The following CD63 variants were observed in gnomAD, a reference collection of about 807,000 sequenced individuals.
CD63 encodes the protein CD63 antigen.
CD63 carries 16 observed loss-of-function variants against 29.2 expected under a neutral mutation model. That is an observed-to-expected ratio of 0.55 (90% confidence interval 0.37 to 0.83). The LOEUF (loss-of-function observed/expected upper bound fraction) is 0.83, where lower values mean the gene tolerates loss of function less well. CD63 is among the 40% of genes least tolerant of loss of function. The pLI is 0.00. For synonymous variants in CD63, 118 were observed against 111.7 expected, an observed-to-expected ratio of 1.06 and a Z score of -0.36; for missense variants, 251 against 297.3, an observed-to-expected ratio of 0.84 and a Z score of 1.15.
intron 2 of CD63, chr12:55,727,665 G>C (rs3138132): frequency 0.099 from 108,171 of 1,096,230 alleles, 9,032 homozygotes; most frequent in African/African-American, 0.4. Flanking sequence ...TTCTCTCCCA[G>C]AACTGCCCCC....
Position 55,728,990 on chromosome 12 carries a change from C to G in CD63, c.-49G>C. On this transcript the variant is annotated 5_prime_UTR_variant, in exon 1 of 8. Coordinates refer to ENST00000257857, the MANE Select transcript of CD63 (RefSeq NM_001780.6). The surrounding 1 kb of genome is among the most constrained non-coding windows in gnomAD (Gnocchi z 4.8). ...AGGCTGGCTGCGCGTTCCTCTCCCGCCGCGGCTCCGGGGCTCTCTAGCTGC... is the reference window on the plus strand; with the variant it reads ...AGGCTGGCTGCGCGTTCCTCTCCCGGCGCGGCTCCGGGGCTCTCTAGCTGC... 2.0e-6 allele frequency: 2 copies of G among 985,490 alleles called. No homozygotes were observed. Among genetic ancestry groups the G allele is most frequent in the Non-Finnish European group, 2.4e-6 (2 of 830,076 alleles). The allele number at this position is 985,490 out of a possible 1,614,324, so 61.0% of individuals were successfully genotyped here. A position where few individuals can be genotyped will look rare whatever the true frequency, so the allele number is the denominator to read the frequency against.
In CD63 at chr12:55,726,983, G is replaced by T. The variant is rs1565658865; in HGVS notation, c.256-19C>A. ...TGGCAAACTGCAGGAGCAAAGGACA[G>T]AAGTCAAGTTTGGAGTCTATGCATT... On this transcript the variant is annotated intron_variant, in intron 3 of 7. Transcript: ENST00000257857. 2 of 1,613,216 alleles carry T rather than the reference G, an allele frequency of 1.2e-6. No individual in the cohort carries two copies. The highest frequency in any genetic ancestry group is 1.7e-6 in the Non-Finnish European group (2 of 1,179,498).
upstream of CD63, chr12:55,729,479 G>C (rs2136157512): frequency 6.6e-6 from 1 of 152,632 alleles, no homozygotes; most frequent in South Asian, 2.1e-4. Flanking sequence ...CTCCAACTCT[G>C]TGCAAGCCCC....
rs1877440511 is a variant in CD63, at chr12:55,726,862, C to G, written c.330+28G>C. 6 of 1,611,308 alleles carry G rather than the reference C, an allele frequency of 3.7e-6. No individual in the cohort carries two copies. In the African/African-American group the frequency reaches 5.3e-5, roughly 14 times the overall value. The stretch of plus-strand genomic sequence containing the variant: ...ACCAGGGTCCCAGACCCGGCTGAGG[C>G]AGGCCCTTCCCATTATTCCCTGCTT... On this transcript the variant is annotated intron_variant, in intron 4 of 7. Transcript: ENST00000257857.
upstream of CD63, chr12:55,729,058 G>A: frequency 1.0e-6 from 1 of 985,384 alleles, no homozygotes. Flanking sequence ...CCCCGCCCCG[G>A]GCTCCAGCCA....
At chr12:55,727,972 G>C in intron 2 of CD63, 2 of 1,213,734 alleles carry the variant, frequency 1.6e-6, no homozygotes, top group Non-Finnish European at 1.1e-6. Context: ...CATGGCGATA[G>C]CATCAGGCGG....
chr12:55,724,575 C>T (rs1447063354), downstream of CD63: 2 of 1,589,010 alleles, frequency 1.3e-6, no homozygotes, highest in Admixed American at 1.7e-5. Flanking sequence ...GATTGTTTTT[C>T]AAGGACAAGG....
downstream of CD63, chr12:55,724,853 A>C (rs2136143796): frequency 2.0e-6 from 1 of 492,028 alleles, no homozygotes; most frequent in African/African-American, 1.9e-5. Flanking sequence ...GTGGCCATCA[A>C]AGGGCACTTT....
intron 5 of CD63, 59 bp downstream of exon 5, chr12:55,726,641 A>T: frequency 7.4e-7 from 1 of 1,355,436 alleles, no homozygotes; most frequent in East Asian, 2.3e-5. Flanking sequence ...CACCACACCC[A>T]GCCTTGGAGA....
chr12:55,729,195 T>G, upstream of CD63: 1 of 939,164 alleles, frequency 1.1e-6, no homozygotes, highest in Non-Finnish European at 1.3e-6. Flanking sequence ...ACGTGGCCCC[T>G]ACCCGGAAGA....
At position 55,728,866 on chromosome 12, in the gene CD63, G is replaced by C. The variant is rs1877717167; in HGVS notation, c.-12+87C>G. 2.0e-6 allele frequency: 2 copies of C among 989,330 alleles called. No individual in the cohort carries two copies. 61.3% of individuals were successfully genotyped at this position (989,330 alleles called of 1,614,324 possible). A position where few individuals can be genotyped will look rare whatever the true frequency, so the allele number is the denominator to read the frequency against. ...GCTGGAGAGCGCCGGACGAGTCTCC[G>C]CGGGCCTGGGGCGAGCCCTGGAGGA... On this transcript the variant is annotated intron_variant, in intron 1 of 7. Transcript: ENST00000257857. This position sits in a 1 kb window ranked among gnomAD's most constrained non-coding sequence, Gnocchi z 4.8.
chr12:55,728,256 C>T lies in CD63; in HGVS notation c.66+20G>A. ...CCCCGCACCCTGCCGGCGCGCCCCC[C>T]AGGACCCCTCGCCACTCACGCAAAA... On this transcript the variant is annotated intron_variant, in intron 2 of 7. Transcript: ENST00000257857. The surrounding 1 kb of genome is among the most constrained non-coding windows in gnomAD (Gnocchi z 4.8). 6.2e-7 allele frequency: 1 copy of T among 1,602,914 alleles called. No homozygotes were observed. The highest frequency in any genetic ancestry group is 1.1e-5 in the South Asian group (1 of 89,224).
Position 55,726,178 on chromosome 12 carries a change from G to A in CD63, c.510C>T (p.Cys170=). 6.2e-7 allele frequency: 1 copy of A among 1,613,996 alleles called. No individual in the cohort carries two copies. Among genetic ancestry groups the A allele is most frequent in the Non-Finnish European group, 8.5e-7 (1 of 1,179,968 alleles). The change falls in exon 6 of 8, where the codon TGC becomes TGT. Residue 170 remains cysteine, a synonymous_variant. Transcript: ENST00000257857. ...TCCCACAGCCCACAGTAACATTAATGCAGCAGGAGTCGGGGACTCGGTTCT... is the reference window on the plus strand; with the variant it reads ...TCCCACAGCCCACAGTAACATTAATACAGCAGGAGTCGGGGACTCGGTTCT... ...MSKNRVPDSC[C]INVTVGCGIN...
chr12:55,723,865 T>C (rs757247591), downstream of CD63: 1 of 1,612,272 alleles, frequency 6.2e-7, no homozygotes, highest in South Asian at 1.1e-5. Context: ...ACCCAGCAAC[T>C]TCGCTCTGCC....
chr12:55,726,383 C>T (rs1324837538), intron 5 of CD63, 122 bp from the exon 6 acceptor site: 4 of 939,156 alleles, frequency 4.3e-6, no homozygotes, highest in Non-Finnish European at 6.1e-6. Context: ...GCTCTGTTGC[C>T]CAGACAAGTG....
rs369562487 is a variant in CD63 at position 55,725,815 on chromosome 12, C to G, written c.649G>C (p.Glu217Gln). The stretch of plus-strand genomic sequence containing the variant: ...CCCTGCTCAGGGTTATCTCTTACCT[C>G]GACAAAAGCAATTCCAAGGGCTGCT... ...AAAALGIAFV[E>Q]VLGIVFACCL... The change falls in exon 7 of 8, where the codon GAG (glutamate) becomes CAG (glutamine). Residue 217 changes from glutamate (E) to glutamine (Q), a missense_variant and splice_region_variant. By Grantham distance (29) the Glu-to-Gln change is conservative. Transcript: ENST00000257857. 6.2e-7 allele frequency: 1 copy of G among 1,613,930 alleles called. No individual in the cohort carries two copies. Among genetic ancestry groups the G allele is most frequent in the Non-Finnish European group, 8.5e-7 (1 of 1,179,866 alleles).
rs1481768940 is a variant in CD63, at chr12:55,728,318, T to C, written c.24A>G (p.Lys8=). 6.2e-7 allele frequency: 1 copy of C among 1,611,250 alleles called. No homozygotes were observed. The highest frequency in any genetic ancestry group is 8.5e-7 in the Non-Finnish European group (1 of 1,179,316). ...GGACGTAGAGCAAGAACTTCACACATTTCATTCCTCCTTCCACCGCCATGG... is the reference window on the plus strand; with the variant it reads ...GGACGTAGAGCAAGAACTTCACACACTTCATTCCTCCTTCCACCGCCATGG... The part of the protein sequence containing the change: MAVEGGM[K]CVKFLLYVLL... The change falls in exon 2 of 8, where the codon AAA becomes AAG. Residue 8 remains lysine, a synonymous_variant. Coordinates refer to ENST00000257857, the MANE Select transcript of CD63 (RefSeq NM_001780.6). The surrounding 1 kb of genome is among the most constrained non-coding windows in gnomAD (Gnocchi z 4.8).
chr12:55,728,508 C>A lies in CD63; in HGVS notation c.-11-156G>T. 1.4e-6 allele frequency: 2 copies of A among 1,461,782 alleles called. No homozygotes were observed. The highest frequency in any genetic ancestry group is 1.4e-5 in the South Asian group (1 of 71,488). 90.6% of individuals were successfully genotyped at this position (1,461,782 alleles called of 1,614,324 possible). A position where few individuals can be genotyped will look rare whatever the true frequency, so the allele number is the denominator to read the frequency against. On this transcript the variant is annotated intron_variant, in intron 1 of 7. Coordinates refer to ENST00000257857, the MANE Select transcript of CD63 (RefSeq NM_001780.6). The surrounding 1 kb of genome is among the most constrained non-coding windows in gnomAD (Gnocchi z 4.8). ...GGTCGGATCCACGTCTCCCAGCCCC[C>A]TCTTTACCCGCAGGAGAGGGGTGGG...
Position 55,728,425 on chromosome 12 carries a change from C to G in CD63, c.-11-73G>C, listed in dbSNP as rs1044133374. ...CCTCGGTTTCCGGGCTCCCGGCCGG[C>G]CCTCGAGGGCTTCCCTTCACGGCCC... is the stretch of plus-strand genomic sequence containing the variant. On this transcript the variant is annotated intron_variant, in intron 1 of 7. Coordinates refer to ENST00000257857, the MANE Select transcript of CD63 (RefSeq NM_001780.6). This position sits in a 1 kb window ranked among gnomAD's most constrained non-coding sequence, Gnocchi z 4.8. The G allele has an allele frequency of 3.2e-6, 5 of 1,543,890 alleles. No homozygotes were observed. Among genetic ancestry groups the G allele is most frequent in the Admixed American group, 2.0e-5 (1 of 50,820 alleles).
Sources: allele counts gnomAD v4.1 joint callset, GRCh38; gene constraint gnomAD v4.1.1; non-coding constraint Gnocchi (gnomAD v3.1); transcripts MANE v1.5; gene names NCBI Gene and HGNC (gene_info 2026-07-23, HGNC 2026-07-21).